The following KDELR1 variants were observed in gnomAD, a reference collection of about 807,000 sequenced individuals.
The protein encoded by KDELR1 is KDEL endoplasmic reticulum protein retention receptor 1.
Under a neutral mutation model 25.5 loss-of-function variants are expected in KDELR1, and 16 were observed. The ratio of observed to expected loss-of-function variants is 0.63; its 90% CI spans 0.43 to 0.95. The LOEUF is 0.95. Ranked by LOEUF, KDELR1 falls within the 40% of genes least tolerant of loss-of-function variation. The pLI, the probability that KDELR1 is intolerant of heterozygous loss-of-function variation, is 0.00. For missense variants in KDELR1, 159 were observed against 265.2 expected, an observed-to-expected ratio of 0.60 and a Z score of 2.78; for synonymous variants, 121 against 115.0, an observed-to-expected ratio of 1.05 and a Z score of -0.33.
At chr19:48,396,372 GCTGCCCTC>G (rs1472852015), upstream of KDELR1, among the ~76,000 whole-genome samples, 2 of 151,904 alleles carry the variant, frequency 1.3e-5, no homozygotes, top group African/African-American at 4.8e-5. Context: ...GGGGCCGGGG[GCTGCCCTC>G]CTGGGCCTCA....
rs1051533477 is a variant in KDELR1, at chr19:48,384,568, C to T, written c.352-86G>A. ...GACAACATTGCAGTTACAGGTGCCG[C>T]GAAGGTGGAGAGAAGGAAGGTGATC... On this transcript the variant is annotated intron_variant, in intron 3 of 4. Coordinates refer to ENST00000330720, the MANE Select transcript of KDELR1 (RefSeq NM_006801.3). This position sits in a 1 kb window ranked among gnomAD's most constrained non-coding sequence, Gnocchi z 4.6. The T allele has an allele frequency of 4.9e-5, 73 of 1,489,726 alleles. No individual in the cohort carries two copies. Among genetic ancestry groups the T allele is most frequent in the Non-Finnish European group, 6.1e-5 (67 of 1,106,318 alleles). 92.3% of individuals were successfully genotyped at this position (1,489,726 alleles called of 1,614,324 possible). A position where few individuals can be genotyped will look rare whatever the true frequency, so the allele number is the denominator to read the frequency against.
chr19:48,384,607 G>T lies in KDELR1; in HGVS notation c.352-125C>A. ...AGGAAGGTGATCCAGGTGCTGCCAA[G>T]TGCCAGACACAGTTCTGCCCGAGTT... is the stretch of plus-strand genomic sequence containing the variant. On this transcript the variant is annotated intron_variant, in intron 3 of 4. Coordinates refer to ENST00000330720, the MANE Select transcript of KDELR1 (RefSeq NM_006801.3). The surrounding 1 kb of genome is among the most constrained non-coding windows in gnomAD (Gnocchi z 4.6). 8.2e-7 allele frequency: 1 copy of T among 1,226,382 alleles called. No homozygotes were observed. Among genetic ancestry groups the T allele is most frequent in the Non-Finnish European group, 1.1e-6 (1 of 886,340 alleles). The allele number at this position is 1,226,382 out of a possible 1,614,324, so 76.0% of individuals were successfully genotyped here.
Position 48,384,102 on chromosome 19 carries a change from C to T in KDELR1, c.604+128G>A. 1 of 1,218,864 alleles carries T rather than the reference C, an allele frequency of 8.2e-7. No individual in the cohort carries two copies. The highest frequency in any genetic ancestry group is 1.5e-5 in the African/African-American group (1 of 65,932). The allele number at this position is 1,218,864 out of a possible 1,614,324, so 75.5% of individuals were successfully genotyped here. A position where few individuals can be genotyped will look rare whatever the true frequency, so the allele number is the denominator to read the frequency against. On this transcript the variant is annotated intron_variant, in intron 4 of 4. Transcript: ENST00000330720. The surrounding 1 kb of genome is among the most constrained non-coding windows in gnomAD (Gnocchi z 4.6). ...CCTAGGAGGATGGTAGGCCTGCCAC[C>T]CCAGAAACCCGGCGAAGAAATGCTC...
upstream of KDELR1, among the ~76,000 whole-genome samples, chr19:48,395,153 C>A (rs1439140513): frequency 6.6e-6 from 1 of 151,930 alleles, no homozygotes; most frequent in Admixed American, 6.6e-5. Flanking sequence ...ACACCTCAGA[C>A]CTTTCACGCC....
In KDELR1 at chr19:48,384,464, T is replaced by C; in HGVS notation, c.370A>G (p.Ile124Val). ...TPLEILWTFS[I>V]YLESVAILPQ... ...AAGATGGCCACTGACTCCAGGTAGA[T>C]GGAGAAGGTCCAGAGGATCTGCAGA... Residue 124 changes from isoleucine (I) to valine (V), a missense_variant, in exon 4 of 5, where the codon ATC (isoleucine) becomes GTC (valine). Transcript: ENST00000330720. This position sits in a 1 kb window ranked among gnomAD's most constrained non-coding sequence, Gnocchi z 4.6. 1 of 1,613,152 alleles carries C rather than the reference T, an allele frequency of 6.2e-7. No individual in the cohort carries two copies. Among genetic ancestry groups the C allele is most frequent in the Non-Finnish European group, 8.5e-7 (1 of 1,179,724 alleles).
chr19:48,390,670 C>T (rs1354984772), intron 1 of KDELR1, 146 bp from the exon 2 acceptor site: 3 of 616,264 alleles, frequency 4.9e-6, no homozygotes, highest in Non-Finnish European at 8.6e-6. Context: ...CGGGACCAGC[C>T]TGGAGGCAGC....
intron 3 of KDELR1, among the ~76,000 whole-genome samples, chr19:48,385,603 C>T (rs147522098): frequency 1.3e-5 from 2 of 152,324 alleles, no homozygotes; most frequent in Non-Finnish European, 2.9e-5. Flanking sequence ...CATCTGCCAG[C>T]CCCCTTTCAG....
chr19:48,388,280 G>A (rs433956), intron 3 of KDELR1, among the ~76,000 whole-genome samples: 92,506 of 152,066 alleles, frequency 0.61, 29,166 homozygotes, highest in East Asian at 0.82. Flanking sequence ...ACACCAGGCA[G>A]TGCTGCAAAG....
intron 3 of KDELR1, among the ~76,000 whole-genome samples, chr19:48,389,311 A>G (rs1480080052): frequency 6.6e-6 from 1 of 152,206 alleles, no homozygotes; most frequent in African/African-American, 2.4e-5. Flanking sequence ...CCTCATCTGT[A>G]AAGTGGGGCT....
intron 3 of KDELR1, among the ~76,000 whole-genome samples, chr19:48,386,283 T>G (rs1320833168): frequency 4.6e-5 from 7 of 151,664 alleles, no homozygotes; most frequent in African/African-American, 9.7e-5. Context: ...CCCTGCTAAT[T>G]TTTGTATTTT....
rs2147425602 is a variant in KDELR1 at position 48,391,448 on chromosome 19, G to A, written c.-90C>T. 1 of 1,043,462 alleles carries A rather than the reference G, an allele frequency of 9.6e-7. No homozygotes were observed. Among genetic ancestry groups the A allele is most frequent in the East Asian group, 2.6e-5 (1 of 38,504 alleles). 64.6% of individuals were successfully genotyped at this position (1,043,462 alleles called of 1,614,324 possible). A position where few individuals can be genotyped will look rare whatever the true frequency, so the allele number is the denominator to read the frequency against. On this transcript the variant is annotated 5_prime_UTR_variant, in exon 1 of 5. Coordinates refer to ENST00000330720, the MANE Select transcript of KDELR1 (RefSeq NM_006801.3). ...GCTGCTGGTCTGAACGGGTAGCTGGGCTGGGGGGACGGAAGAGGGACCCTA... is the reference window on the plus strand; with the variant it reads ...GCTGCTGGTCTGAACGGGTAGCTGGACTGGGGGGACGGAAGAGGGACCCTA...
Position 48,384,349 on chromosome 19 carries a change from T to G in KDELR1, c.485A>C (p.Tyr162Ser), listed in dbSNP as rs1970477886. Residue 162 changes from tyrosine (Y) to serine (S), a missense_variant, in exon 4 of 5, where the codon TAT becomes TCT. Tyr to Ser is a moderately radical substitution (Grantham distance 144, BLOSUM62 -2). Coordinates refer to ENST00000330720, the MANE Select transcript of KDELR1 (RefSeq NM_006801.3). The surrounding 1 kb of genome is among the most constrained non-coding windows in gnomAD (Gnocchi z 4.6). Reference protein sequence around the residue: ...LFALGVYRTLYLFNWIWRYHF... With the variant: ...LFALGVYRTLSLFNWIWRYHF... ...GTAGCGCCAGATCCAGTTGAAGAGA[T>G]AGAGCGTGCGGTAAACGCCTAGCGC... 1 of 1,614,084 alleles carries G rather than the reference T, an allele frequency of 6.2e-7. No homozygotes were observed. The highest frequency in any genetic ancestry group is 8.5e-7 in the Non-Finnish European group (1 of 1,180,044).
chr19:48,391,425 TGCTGGTCTGAACGGGTA>T lies in KDELR1; in HGVS notation c.-84_-68del. 7.6e-7 allele frequency: 1 copy of T among 1,314,872 alleles called. No individual in the cohort carries two copies. The highest frequency in any genetic ancestry group is 1.3e-5 in the South Asian group (1 of 79,186). 81.5% of individuals were successfully genotyped at this position (1,314,872 alleles called of 1,614,324 possible). On this transcript the variant is annotated 5_prime_UTR_variant, in exon 1 of 5. Transcript: ENST00000330720. ...CTGGCGGGGGGGTGCCCCCCGAGGC[TGCTGGTCTGAACGGGTA>T]GCTGGGCTGGGGGGACGGAAGAGGG...
In KDELR1 at chr19:48,391,509, G is replaced by C. The variant is rs1600960426; in HGVS notation, c.-151C>G. On this transcript the variant is annotated 5_prime_UTR_variant, in exon 1 of 5. Coordinates refer to ENST00000330720, the MANE Select transcript of KDELR1 (RefSeq NM_006801.3). ...GCTCCGGGGAGGGGACTTTGGGAGGGGGAGCAAAGGCTGGAGCTGGCGGCG... is the reference window on the plus strand; with the variant it reads ...GCTCCGGGGAGGGGACTTTGGGAGGCGGAGCAAAGGCTGGAGCTGGCGGCG... The C allele has an allele frequency of 3.2e-6, 2 of 628,092 alleles. No individual in the cohort carries two copies. The highest frequency in any genetic ancestry group is 3.7e-5 in the South Asian group (2 of 53,390). 38.9% of individuals were successfully genotyped at this position (628,092 alleles called of 1,614,324 possible). A position where few individuals can be genotyped will look rare whatever the true frequency, so the allele number is the denominator to read the frequency against.
At chr19:48,394,022 C>G (rs114718019), upstream of KDELR1, among the ~76,000 whole-genome samples, 2,605 of 152,224 alleles carry the variant, frequency 0.017, 78 homozygotes, top group African/African-American at 0.059. The surrounding 1 kb of genome is among the most constrained non-coding windows in gnomAD (Gnocchi z 5.1). Context: ...TCCTTCCCCC[C>G]GGCCCCCCCA....
In KDELR1 at chr19:48,384,267, GA is replaced by G; in HGVS notation, c.566del (p.Val189AlafsTer15). Reference protein sequence around the residue: ...IAIVAGLVQTVLYCDFFYLYI... With the variant: ...IAIVAGLVQTXLYCDFFYLYI... ...AGAGGTAGAAGAAATCGCAGTAGAG[GA>G]CTGTCTGGACCAGGCCTGCCACAAT... On this transcript the variant is annotated frameshift_variant, in exon 4 of 5. Transcript: ENST00000330720. LOFTEE classifies it high-confidence loss of function. This position sits in a 1 kb window ranked among gnomAD's most constrained non-coding sequence, Gnocchi z 4.6. 6.2e-7 allele frequency: 1 copy of G among 1,614,188 alleles called. No homozygotes were observed. The highest frequency in any genetic ancestry group is 8.5e-7 in the Non-Finnish European group (1 of 1,180,036).
Position 48,384,153 on chromosome 19 carries a change from G to A in KDELR1, c.604+77C>T, listed in dbSNP as rs979929526. 1.3e-6 allele frequency: 2 copies of A among 1,560,066 alleles called. No individual in the cohort carries two copies. The highest frequency in any genetic ancestry group is 1.8e-6 in the Non-Finnish European group (2 of 1,141,458). On this transcript the variant is annotated intron_variant, in intron 4 of 4. Coordinates refer to ENST00000330720, the MANE Select transcript of KDELR1 (RefSeq NM_006801.3). This position sits in a 1 kb window ranked among gnomAD's most constrained non-coding sequence, Gnocchi z 4.6. ...CCTTCTTTGCATAATACAGGGGTAAGGAGACCCCAGTCCCCAGGGAGGGCA... is the reference window on the plus strand; with the variant it reads ...CCTTCTTTGCATAATACAGGGGTAAAGAGACCCCAGTCCCCAGGGAGGGCA...
At chr19:48,388,931 G>GAAAGAAAGAAAGAAAGAAGGAAA (rs1555890279) in intron 3 of KDELR1, among the ~76,000 whole-genome samples, 2 of 146,324 alleles carry the variant, frequency 1.4e-5, no homozygotes, top group African/African-American at 5.2e-5. Context: ...AAAGAAAGAA[G>GAAAGAAAGAAAGAAAGAAGGAAA]GAAAGAAAGA....
rs542944845 is a variant in KDELR1, at chr19:48,384,578, G to A, written c.352-96C>T. On this transcript the variant is annotated intron_variant, in intron 3 of 4. Coordinates refer to ENST00000330720, the MANE Select transcript of KDELR1 (RefSeq NM_006801.3). The surrounding 1 kb of genome is among the most constrained non-coding windows in gnomAD (Gnocchi z 4.6). ...CAGTTACAGGTGCCGCGAAGGTGGA[G>A]AGAAGGAAGGTGATCCAGGTGCTGC... is the stretch of plus-strand genomic sequence containing the variant. The A allele has an allele frequency of 1.7e-5, 24 of 1,444,272 alleles. No individual in the cohort carries two copies. The Admixed American group carries it at 2.9e-4, about 18-fold the overall frequency. 89.5% of individuals were successfully genotyped at this position (1,444,272 alleles called of 1,614,324 possible).
Sources: gnomAD v4.1 joint callset for allele counts (sites outside exome capture counted in the v4.1 genomes callset) on GRCh38, gnomAD v4.1.1 for gene constraint, Gnocchi (gnomAD v3.1) non-coding constraint, MANE v1.5 for transcripts, NCBI Gene and HGNC (gene_info 2026-07-23, HGNC 2026-07-21) for gene names.